Variants in ACKR2 observed in about 807,000 individuals in gnomAD.
ACKR2 encodes the protein atypical chemokine receptor 2.
For synonymous variants in ACKR2, 207 were observed against 192.2 expected, an observed-to-expected ratio of 1.08 and a Z score of -0.64; for missense variants, 457 against 477.3, an observed-to-expected ratio of 0.96 and a Z score of 0.40.
At chr3:42,818,774 CT>C (rs1263112460) in intron 1 of ACKR2, among the ~76,000 whole-genome samples, 2 of 152,188 alleles carry the variant, frequency 1.3e-5, no homozygotes, top group Admixed American at 1.3e-4. Flanking sequence ...GTTGATCAGA[CT>C]GGTCTTGAAC....
chr3:42,865,180 G>T lies in ACKR2; in HGVS notation c.678G>T (p.Met226Ile). The change falls in exon 3 of 3, where the codon ATG (methionine) becomes ATT (isoleucine). Residue 226 changes from methionine to isoleucine, a missense_variant. Physicochemically the swap from Met to Ile is conservative, Grantham distance 10. Transcript: ENST00000422265. ...GGTTTCTCCTTCCACTCCTTGCCATGATCTTCTTCTACTCCCGTATTGGTT... is the reference window on the plus strand; with the variant it reads ...GGTTTCTCCTTCCACTCCTTGCCATTATCTTCTTCTACTCCCGTATTGGTT... ...LLGFLLPLLAMIFFYSRIGCV... is the reference protein window; with the variant it reads ...LLGFLLPLLAIIFFYSRIGCV... 2.5e-6 allele frequency: 4 copies of T among 1,614,130 alleles called. No individual in the cohort carries two copies. Among genetic ancestry groups the T allele is most frequent in the Non-Finnish European group, 3.4e-6 (4 of 1,180,026 alleles).
In ACKR2 at chr3:42,865,620, A is replaced by C. The variant is rs2228468; in HGVS notation, c.1118A>C (p.Tyr373Ser). 632,351 of 1,612,976 alleles carry C rather than the reference A, an allele frequency of 0.39. 128,827 individuals carry two copies. The highest frequency in any genetic ancestry group is 0.64 in the East Asian group (28,632 of 44,836). ...NDLGERQSEN[Y>S]PNKEDVGNKS... is the part of the protein sequence containing the mutation. Reference sequence around the variant, plus strand: ...CTTGGAGAGAGGCAGTCTGAGAACTACCCTAACAAGGAGGATGTGGGGAAT... The same window carrying C: ...CTTGGAGAGAGGCAGTCTGAGAACTCCCCTAACAAGGAGGATGTGGGGAAT... Residue 373 changes from tyrosine (Y) to serine (S), a missense_variant, in exon 3 of 3, where the codon TAC (tyrosine) becomes TCC (serine). Coordinates refer to ENST00000422265, the MANE Select transcript of ACKR2 (RefSeq NM_001296.5).
At chr3:42,818,815 G>A (rs1575374686) in intron 1 of ACKR2, among the ~76,000 whole-genome samples, 1 of 152,266 alleles carries the variant, frequency 6.6e-6, no homozygotes, top group African/African-American at 2.4e-5. Flanking sequence ...GCCCGGCTCG[G>A]CCTCCTAAAG....
intron 1 of ACKR2, among the ~76,000 whole-genome samples, chr3:42,810,611 A>G (rs1448478569): frequency 6.6e-6 from 1 of 152,212 alleles, no homozygotes; most frequent in East Asian, 1.9e-4. Context: ...ATCTAAAAAA[A>G]ATCGAATGTT....
At chr3:42,825,453 T>C (rs1435882695) in intron 2 of ACKR2, among the ~76,000 whole-genome samples, 1 of 152,138 alleles carries the variant, frequency 6.6e-6, no homozygotes, top group East Asian at 1.9e-4. Flanking sequence ...AGGTATCTTA[T>C]TTTTTCTGAT....
chr3:42,866,177 C>CT lies in ACKR2; in HGVS notation c.*536dup, dbSNP rs59894863. On this transcript the variant is annotated 3_prime_UTR_variant, in exon 3 of 3. Coordinates refer to ENST00000422265, the MANE Select transcript of ACKR2 (RefSeq NM_001296.5). Reference sequence around the variant, plus strand: ...TTTTTTTTCTTTCTTTCTTTCTTTTCTTTTTTTTTTTTTTTTGAGACGGAG... The same window carrying CT: ...TTTTTTTTCTTTCTTTCTTTCTTTTCTTTTTTTTTTTTTTTTTGAGACGGAG... The CT allele has an allele frequency of 0.09, 10,913 of 121,792 alleles. 1,121 individuals are homozygous for CT. Among genetic ancestry groups the CT allele is most frequent in the African/African-American group, 0.22 (7,087 of 31,802 alleles). 7.5% of individuals were successfully genotyped at this position (121,792 alleles called of 1,614,324 possible).
Position 42,816,749 on chromosome 3 carries a change from G to A in ACKR2, c.-118-2882G>A, listed in dbSNP as rs911705994. Among the ~76,000 whole-genome samples the A allele has an allele frequency of 2.0e-5, 3 of 151,800 alleles. No homozygotes were observed. In the East Asian group the frequency reaches 5.8e-4, roughly 29 times the overall value. On this transcript the variant is annotated intron_variant, in intron 1 of 2. Transcript: ENST00000422265. ...TTTTTTCTATTTTTAGTAGAGACAG[G>A]GTTTCACCACGTTGGCCAGGCTGGT...
intron 2 of ACKR2, among the ~76,000 whole-genome samples, chr3:42,824,317 A>G (rs1257494561): frequency 6.6e-6 from 1 of 152,124 alleles, no homozygotes; most frequent in Admixed American, 6.5e-5. Context: ...AAATATTTTC[A>G]GTCCTTTGTT....
At chr3:42,864,364 G>C in intron 2 of ACKR2, 102 bp from the exon 3 acceptor site, 6 of 1,029,388 alleles carry the variant, frequency 5.8e-6, no homozygotes, top group Non-Finnish European at 8.2e-6. Flanking sequence ...TGCAGGTACT[G>C]ATGTAGATTT....
chr3:42,838,631 AAC>A (rs1228134068), intron 2 of ACKR2, among the ~76,000 whole-genome samples: 1 of 152,220 alleles, frequency 6.6e-6, no homozygotes, highest in Non-Finnish European at 1.5e-5. Flanking sequence ...CTTTTGGAAA[AAC>A]AGTTTGACTG....
chr3:42,848,477 C>A (rs75825147), intron 2 of ACKR2, among the ~76,000 whole-genome samples: 1,915 of 152,170 alleles, frequency 0.013, 33 homozygotes, highest in East Asian at 0.05. Flanking sequence ...CTTGGCCTCC[C>A]AAACTGCTGG....
chr3:42,833,536 C>T (rs1225646270), intron 2 of ACKR2, among the ~76,000 whole-genome samples: 2 of 152,174 alleles, frequency 1.3e-5, no homozygotes, highest in Middle Eastern at 3.4e-3. Flanking sequence ...GTTATTTGTA[C>T]TGTCTTTGAA....
chr3:42,821,289 T>A (rs184145772), intron 2 of ACKR2, among the ~76,000 whole-genome samples: 30 of 152,316 alleles, frequency 2.0e-4, no homozygotes, highest in African/African-American at 7.0e-4. Context: ...GAGTGAGTTG[T>A]CCCTGGCATC....
At chr3:42,853,250 C>T (rs2125620282) in intron 2 of ACKR2, among the ~76,000 whole-genome samples, 1 of 152,234 alleles carries the variant, frequency 6.6e-6, no homozygotes. Context: ...CTGGAGCCAG[C>T]TGCAGGAACT....
rs1177812371 is a variant in ACKR2 at position 42,864,996 on chromosome 3, C to G, written c.494C>G (p.Ala165Gly). The G allele has an allele frequency of 6.2e-7, 1 of 1,614,156 alleles. No homozygotes were observed. Among genetic ancestry groups the G allele is most frequent in the African/African-American group, 1.3e-5 (1 of 75,052 alleles). The change falls in exon 3 of 3, where the codon GCT (alanine) becomes GGT (glycine). Residue 165 changes from alanine to glycine, a missense_variant. Physicochemically the swap from Ala to Gly is moderately conservative, Grantham distance 60 (BLOSUM62 0). Transcript: ENST00000422265. The stretch of plus-strand genomic sequence containing the variant: ...ACCCGGGCCAAGAGCCTGCTCCTTG[C>G]TACCATAGTATGGGCTGTGTCCCTG... ...LRTRAKSLLLATIVWAVSLAV... is the reference protein window; with the variant it reads ...LRTRAKSLLLGTIVWAVSLAV...
At chr3:42,812,160 A>G (rs938388787) in intron 1 of ACKR2, among the ~76,000 whole-genome samples, 2 of 152,126 alleles carry the variant, frequency 1.3e-5, no homozygotes, top group Non-Finnish European at 2.9e-5. Context: ...AGGAATACCC[A>G]GAGGTGTGGA....
intron 2 of ACKR2, among the ~76,000 whole-genome samples, chr3:42,836,395 G>A (rs1700987621): frequency 6.6e-6 from 1 of 152,114 alleles, no homozygotes; most frequent in Non-Finnish European, 1.5e-5. Flanking sequence ...ACCCCAAGAG[G>A]TTTCTTACTT....
At chr3:42,864,427 G>T in intron 2 of ACKR2, 39 bp from the exon 3 acceptor site, 1 of 1,513,788 alleles carries the variant, frequency 6.6e-7, no homozygotes, top group African/African-American at 1.4e-5. Context: ...TTAGAGAAAG[G>T]TAGAGAATGC....
intron 2 of ACKR2, among the ~76,000 whole-genome samples, chr3:42,864,022 TAA>T (rs2088408572): frequency 1.3e-5 from 2 of 152,138 alleles, no homozygotes; most frequent in African/African-American, 4.8e-5. Flanking sequence ...CAAAATTTTT[TAA>T]AAAAGCCCCA....
Sources: allele counts gnomAD v4.1 joint callset (sites outside exome capture counted in the v4.1 genomes callset), GRCh38; gene constraint gnomAD v4.1.1; transcripts MANE v1.5; gene names NCBI Gene and HGNC (gene_info 2026-07-23, HGNC 2026-07-21).